Variants in BCAS4 observed in about 807,000 individuals in gnomAD.
The protein encoded by BCAS4 is breast carcinoma-amplified sequence 4.
A neutral mutation model predicts 15.7 loss-of-function variants in BCAS4; 9 were observed. The ratio of observed to expected loss-of-function variants is 0.57; its 90% CI spans 0.34 to 1.00. The LOEUF (loss-of-function observed/expected upper bound fraction) is 1.00. Among genes scored for constraint, BCAS4 ranks in the 50% least tolerant of loss-of-function variants. The pLI, the probability that BCAS4 is intolerant of heterozygous loss-of-function variation, is 0.02. For synonymous variants in BCAS4, 101 were observed against 99.5 expected (o/e 1.02, Z -0.09); for missense variants, 225 against 239.1 (o/e 0.94, Z 0.39).
intron 4 of BCAS4, among the ~76,000 whole-genome samples, chr20:50,846,141 A>G (rs1000963280): frequency 6.6e-6 from 1 of 152,284 alleles, no homozygotes; most frequent in African/African-American, 2.4e-5. Context: ...CCATGCTACA[A>G]CACATGTATT....
chr20:50,845,709 G>A (rs116860954), intron 4 of BCAS4, among the ~76,000 whole-genome samples: 3,124 of 152,316 alleles, frequency 0.021, 45 homozygotes, highest in Non-Finnish European at 0.03. Context: ...CTGGCCATGT[G>A]GCGCCCCTGG....
intron 1 of BCAS4, among the ~76,000 whole-genome samples, chr20:50,813,799 G>A (rs1600853752): frequency 1.3e-5 from 2 of 148,272 alleles, no homozygotes; most frequent in South Asian, 4.2e-4. Context: ...GGGGATGTGG[G>A]AAAAAAAAGT....
intron 2 of BCAS4, among the ~76,000 whole-genome samples, chr20:50,822,993 A>C (rs2088234695): frequency 6.6e-6 from 1 of 152,134 alleles, no homozygotes; most frequent in African/African-American, 2.4e-5. Flanking sequence ...ATTACCGATA[A>C]GGAATGAAAA....
intron 4 of BCAS4, among the ~76,000 whole-genome samples, chr20:50,870,315 C>T (rs1245342418): frequency 2.0e-5 from 3 of 152,058 alleles, no homozygotes; most frequent in East Asian, 1.9e-4. Context: ...GGGGCTGCGG[C>T]GGGTTTGTAG....
intron 1 of BCAS4, among the ~76,000 whole-genome samples, chr20:50,801,851 G>A (rs1161698039): frequency 6.6e-6 from 1 of 152,110 alleles, no homozygotes; most frequent in South Asian, 2.1e-4. Flanking sequence ...GGGAAGGACC[G>A]GAGGGCAAAG....
chr20:50,865,622 C>T (rs988613788), intron 4 of BCAS4, among the ~76,000 whole-genome samples: 5 of 152,244 alleles, frequency 3.3e-5, no homozygotes, highest in Admixed American at 3.3e-4. Flanking sequence ...TCGCCCTGGA[C>T]ACCGGCTGCC....
chr20:50,854,362 T>C (rs745851594), intron 4 of BCAS4, among the ~76,000 whole-genome samples: 2 of 152,178 alleles, frequency 1.3e-5, no homozygotes, highest in Non-Finnish European at 2.9e-5. Flanking sequence ...TATTCTGATG[T>C]GGGCGCTGTT....
At chr20:50,854,001 A>C (rs1361926384) in intron 4 of BCAS4, among the ~76,000 whole-genome samples, 1 of 152,182 alleles carries the variant, frequency 6.6e-6, no homozygotes, top group Non-Finnish European at 1.5e-5. Context: ...AATTGCCCCG[A>C]GTTAAGGACC....
At chr20:50,870,823 T>A (rs573731025) in intron 4 of BCAS4, among the ~76,000 whole-genome samples, 1 of 151,864 alleles carries the variant, frequency 6.6e-6, no homozygotes, top group African/African-American at 2.4e-5. Context: ...GCTGCGGGGG[T>A]GTGGGGAGAC....
At chr20:50,881,230 A>C (rs1411452752), downstream of BCAS4, 1 of 152,160 alleles carries the variant, frequency 6.6e-6, no homozygotes, top group East Asian at 1.9e-4. Context: ...ACCCTGTCTT[A>C]GAAAGTAAAA....
At position 50,830,367 on chromosome 20, in the gene BCAS4, T is replaced by C; in HGVS notation, c.251T>C (p.Val84Ala). Residue 84 changes from valine to alanine, a missense_variant, in exon 3 of 5, where the codon GTG becomes GCG. Transcript: ENST00000371608. ...GAAATGCGTGGCATCTATGCCAAAG[T>C]GGACCGGCTAGAGGTACGTCTAGGC... ...LTEMRGIYAK[V>A]DRLEAFVKMV... is the part of the protein sequence containing the mutation. 1 of 1,613,658 alleles carries C rather than the reference T, an allele frequency of 6.2e-7. No individual in the cohort carries two copies. Among genetic ancestry groups the C allele is most frequent in the Non-Finnish European group, 8.5e-7 (1 of 1,179,788 alleles).
intron 4 of BCAS4, among the ~76,000 whole-genome samples, chr20:50,864,578 A>G (rs528396584): frequency 2.0e-5 from 3 of 151,592 alleles, no homozygotes; most frequent in African/African-American, 4.8e-5. Context: ...AGCTGGGACT[A>G]CAGGTGCACG....
chr20:50,868,437 T>C (rs889029454), intron 4 of BCAS4, among the ~76,000 whole-genome samples: 3 of 152,202 alleles, frequency 2.0e-5, no homozygotes, highest in African/African-American at 7.2e-5. Context: ...TTCTTTCTTT[T>C]TTTGAGTCAG....
At chr20:50,852,043 A>G (rs1978458003) in intron 4 of BCAS4, among the ~76,000 whole-genome samples, 1 of 152,246 alleles carries the variant, frequency 6.6e-6, no homozygotes, top group African/African-American at 2.4e-5. Context: ...GGCCACCACA[A>G]GCAGCACTTA....
At chr20:50,879,818 C>T (rs982270863), downstream of BCAS4, 2 of 152,602 alleles carry the variant, frequency 1.3e-5, no homozygotes, top group Non-Finnish European at 2.9e-5. Flanking sequence ...CTGGGCTTTT[C>T]ACTTGCTCTC....
At chr20:50,804,501 T>C (rs187123716) in intron 1 of BCAS4, among the ~76,000 whole-genome samples, 13 of 152,252 alleles carry the variant, frequency 8.5e-5, no homozygotes, top group Non-Finnish European at 1.5e-5. Flanking sequence ...AATTTTTTGC[T>C]GTCACAGAGT....
chr20:50,859,546 A>C (rs1978958829), intron 4 of BCAS4, among the ~76,000 whole-genome samples: 1 of 151,660 alleles, frequency 6.6e-6, no homozygotes, highest in Non-Finnish European at 1.5e-5. Context: ...TGGGGGAGGG[A>C]AGAAGTGGAG....
rs143527514 is a variant in BCAS4, at chr20:50,830,329, G to C, written c.213G>C (p.Lys71Asn). ...TGGAGGAAAACATCCCAGTCCTTAA[G>C]GCCAAACTGACAGAAATGCGTGGCA... Reference protein sequence around the residue: ...QILEENIPVLKAKLTEMRGIY... With the variant: ...QILEENIPVLNAKLTEMRGIY... The change falls in exon 3 of 5, where the codon AAG becomes AAC. Residue 71 changes from lysine to asparagine, a missense_variant. Transcript: ENST00000371608. The C allele has an allele frequency of 7.9e-5, 128 of 1,613,960 alleles. No individual in the cohort carries two copies. Among genetic ancestry groups the C allele is most frequent in the Non-Finnish European group, 6.6e-5 (78 of 1,179,972 alleles).
At chr20:50,840,915 C>T (rs1403760838) in intron 3 of BCAS4, 22 of 600,286 alleles carry the variant, frequency 3.7e-5, no homozygotes, top group East Asian at 1.8e-4. Context: ...CTGCAACCTC[C>T]GCCTCCCGGG....
Sources: allele counts gnomAD v4.1 joint callset (sites outside exome capture counted in the v4.1 genomes callset), GRCh38; gene constraint gnomAD v4.1.1; transcripts MANE v1.5; gene names NCBI Gene and HGNC (gene_info 2026-07-23, HGNC 2026-07-21).